SUB1: variants seen among roughly 807,000 people sequenced by gnomAD.
SUB1 encodes the protein SUB1 regulator of transcription, also known as activated RNA polymerase II transcriptional coactivator p15.
In SUB1, 1 loss-of-function variant was observed where a neutral mutation model predicts 16.9. The ratio of observed to expected loss-of-function variants is 0.06; its 90% CI spans 0.02 to 0.28. The LOEUF (loss-of-function observed/expected upper bound fraction) is 0.28. Among genes scored for constraint, SUB1 ranks in the 10% least tolerant of loss-of-function variants. The pLI is 1.00. For synonymous variants in SUB1, 51 were observed against 46.9 expected, an observed-to-expected ratio of 1.09 and a Z score of -0.36; for missense variants, 84 against 145.2, an observed-to-expected ratio of 0.58 and a Z score of 2.16.
intron 1 of SUB1, 129 bp downstream of exon 1, chr5:32,585,754 T>TCC (rs3841127): frequency 6.6e-6 from 1 of 152,144 alleles, no homozygotes; most frequent in African/African-American, 2.4e-5. Flanking sequence ...CTGCCTTACC[T>TCC]CCCCCTTCCC....
At chr5:32,588,940 A>G (rs1738745525) in intron 2 of SUB1, among the ~76,000 whole-genome samples, 1 of 152,220 alleles carries the variant, frequency 6.6e-6, no homozygotes. Flanking sequence ...TAGGCCCTAA[A>G]TCAGACTTAA....
rs372936341 is a variant in SUB1 at position 32,602,033 on chromosome 5, T to C, written c.*949T>C. 9.9e-4 allele frequency: 240 copies of C among 243,308 alleles called. 3 individuals are homozygous for C. The highest frequency in any genetic ancestry group is 6.8e-3 in the East Asian group (62 of 9,162). 15.1% of individuals were successfully genotyped at this position (243,308 alleles called of 1,614,324 possible). A position where few individuals can be genotyped will look rare whatever the true frequency, so the allele number is the denominator to read the frequency against. ...GAGATGTCATTAAGCTTTACTGTTA[T>C]AGTAGGTAATATGGTTAGTTTGTAG... On this transcript the variant is annotated 3_prime_UTR_variant, in exon 5 of 5. Coordinates refer to ENST00000265073, the MANE Select transcript of SUB1 (RefSeq NM_006713.4).
chr5:32,597,566 A>G (rs1226768151), intron 3 of SUB1: 2 of 152,048 alleles, frequency 1.3e-5, no homozygotes, highest in East Asian at 3.8e-4. Flanking sequence ...ATTTTTTGGG[A>G]TATATATTCA....
At chr5:32,600,034 T>C (rs1739077645) in intron 4 of SUB1, among the ~76,000 whole-genome samples, 1 of 152,264 alleles carries the variant, frequency 6.6e-6, no homozygotes, top group Non-Finnish European at 1.5e-5. Context: ...TTAGGTGATA[T>C]GCTAAGTTCA....
In SUB1 at chr5:32,590,590, C is replaced by CT. The variant is rs551385551; in HGVS notation, c.73-964dup. Among the ~76,000 whole-genome samples the CT allele has an allele frequency of 2.3e-3, 336 of 148,796 alleles. 3 individuals are homozygous for CT. The highest frequency in any genetic ancestry group is 3.7e-3 in the Non-Finnish European group (246 of 67,138). On this transcript the variant is annotated intron_variant, in intron 2 of 4. Coordinates refer to ENST00000265073, the MANE Select transcript of SUB1 (RefSeq NM_006713.4). ...TAAAGATTTGCCTAATTGTAAATTCCTTTTTTTTTAATTTTTTATTTTGAG... is the reference window on the plus strand; with the variant it reads ...TAAAGATTTGCCTAATTGTAAATTCCTTTTTTTTTTAATTTTTTATTTTGAG...
At chr5:32,599,445 A>G (rs1739062202) in intron 4 of SUB1, among the ~76,000 whole-genome samples, 1 of 152,212 alleles carries the variant, frequency 6.6e-6, no homozygotes, top group African/African-American at 2.4e-5. Context: ...CCTAAAAGCT[A>G]TTCTTTAGGG....
chr5:32,589,526 G>T (rs540593063), intron 2 of SUB1, among the ~76,000 whole-genome samples: 9 of 152,234 alleles, frequency 5.9e-5, no homozygotes, highest in Non-Finnish European at 1.3e-4. Flanking sequence ...AAATCAGCAC[G>T]CAGTAAAGCT....
At position 32,602,228 on chromosome 5, in the gene SUB1, T is replaced by G. The variant is rs1739132305; in HGVS notation, c.*1144T>G. ...ATTGAGGCACAGATTTTAGTGGCTT[T>G]GTGGCAATAAATAGGGCATGGTGTG... On this transcript the variant is annotated 3_prime_UTR_variant, in exon 5 of 5. Coordinates refer to ENST00000265073, the MANE Select transcript of SUB1 (RefSeq NM_006713.4). 1 of 455,500 alleles carries G rather than the reference T, an allele frequency of 2.2e-6. No individual in the cohort carries two copies. The highest frequency in any genetic ancestry group is 2.4e-5 in the Admixed American group (1 of 42,418). 28.2% of individuals were successfully genotyped at this position (455,500 alleles called of 1,614,324 possible).
chr5:32,595,323 C>T (rs1025038483), intron 3 of SUB1: 10 of 152,230 alleles, frequency 6.6e-5, no homozygotes, highest in Admixed American at 2.0e-4. Flanking sequence ...CCAGGAAGTT[C>T]CTCTTGGCTT....
At chr5:32,600,606 AT>A (rs11299034) in intron 4 of SUB1, among the ~76,000 whole-genome samples, 21,620 of 143,618 alleles carry the variant, frequency 0.15, 3,321 homozygotes, top group African/African-American at 0.4. Context: ...CCAAGTGGCA[AT>A]TTTTTTTTTT....
chr5:32,598,671 G>A (rs1354017300), intron 3 of SUB1: 4 of 232,346 alleles, frequency 1.7e-5, no homozygotes. Flanking sequence ...ATGCATTCAT[G>A]ACATACCTAA....
intron 1 of SUB1, among the ~76,000 whole-genome samples, chr5:32,588,013 T>C (rs1264637110): frequency 2.6e-5 from 4 of 152,208 alleles, no homozygotes; most frequent in Non-Finnish European, 5.9e-5. Context: ...AAAAATTAAT[T>C]AGATGTCACA....
chr5:32,598,075 T>TTTTTA (rs1246627365), intron 3 of SUB1: 1 of 151,878 alleles, frequency 6.6e-6, no homozygotes, highest in Admixed American at 6.6e-5. Flanking sequence ...TTTATTTTTA[T>TTTTTA]TTTTATTTTT....
At chr5:32,589,287 G>C (rs1034447996) in intron 2 of SUB1, among the ~76,000 whole-genome samples, 12 of 152,062 alleles carry the variant, frequency 7.9e-5, no homozygotes, top group East Asian at 1.9e-4. Context: ...AGGTATTGCT[G>C]TGTTGCTAAG....
chr5:32,593,309 CTGT>C lies in SUB1; in HGVS notation c.195+1625_195+1627del, dbSNP rs952980080. On this transcript the variant is annotated intron_variant, in intron 3 of 4. Transcript: ENST00000265073. Reference sequence around the variant, plus strand: ...CGTGAGCCACCGTGACTGGCCAAGACTGTAGACATTTATATGACTAGAAAGTAA... The same window carrying C: ...CGTGAGCCACCGTGACTGGCCAAGACAGACATTTATATGACTAGAAAGTAA... 5.9e-5 allele frequency among the ~76,000 whole-genome samples: 9 copies of C among 152,202 alleles called. No homozygotes were observed. In the South Asian group the frequency reaches 1.0e-3, roughly 18 times the overall value.
At chr5:32,590,216 C>T (rs1465040876) in intron 2 of SUB1, among the ~76,000 whole-genome samples, 2 of 152,100 alleles carry the variant, frequency 1.3e-5, no homozygotes, top group Admixed American at 1.3e-4. Context: ...ACCTTGTATA[C>T]CACATTTTTC....
intron 2 of SUB1, among the ~76,000 whole-genome samples, chr5:32,589,250 TA>T (rs1260690600): frequency 2.0e-5 from 3 of 149,730 alleles, no homozygotes; most frequent in East Asian, 2.0e-4. Flanking sequence ...CCTGGTTAAT[TA>T]AAAAAAAAAT....
In SUB1 at chr5:32,602,087, G is replaced by A; in HGVS notation, c.*1003G>A. The A allele has an allele frequency of 2.9e-6, 1 of 350,112 alleles. No individual in the cohort carries two copies. The highest frequency in any genetic ancestry group is 5.7e-6 in the Non-Finnish European group (1 of 176,816). The allele number at this position is 350,112 out of a possible 1,614,324, so 21.7% of individuals were successfully genotyped here. On this transcript the variant is annotated 3_prime_UTR_variant, in exon 5 of 5. Coordinates refer to ENST00000265073, the MANE Select transcript of SUB1 (RefSeq NM_006713.4). ...AAAGAGCATATGAGCACATGCTTGTGTATTTTGGCCTTTGCCCCAGTAGAA... is the reference window on the plus strand; with the variant it reads ...AAAGAGCATATGAGCACATGCTTGTATATTTTGGCCTTTGCCCCAGTAGAA...
At chr5:32,587,947 C>T (rs1339950629) in intron 1 of SUB1, among the ~76,000 whole-genome samples, 3 of 152,014 alleles carry the variant, frequency 2.0e-5, no homozygotes, top group African/African-American at 2.4e-5. Flanking sequence ...GAATTAGTAC[C>T]TGTCGTTATT....
Sources: allele counts gnomAD v4.1 joint callset (sites outside exome capture counted in the v4.1 genomes callset), GRCh38; gene constraint gnomAD v4.1.1; transcripts MANE v1.5; gene names NCBI Gene and HGNC (gene_info 2026-07-23, HGNC 2026-07-21).